CHL1: variants seen among roughly 807,000 people sequenced by gnomAD.
CHL1 encodes the protein cell adhesion molecule L1 like, also known as neural cell adhesion molecule L1-like protein.
A neutral mutation model predicts 141.9 loss-of-function variants in CHL1; 96 were observed. That is an observed-to-expected ratio of 0.68 (90% CI 0.57 to 0.80). CHL1 has a LOEUF of 0.80. Ranked by LOEUF, CHL1 falls within the 30% of genes least tolerant of loss-of-function variation. CHL1 has a pLI of 0.00. For synonymous variants in CHL1, 613 were observed against 502.2 expected (o/e 1.22, Z -2.95); for missense variants, 1,820 against 1,457.2 (o/e 1.25, Z -4.05).
intron 26 of CHL1, 58 bp downstream of exon 26, chr3:399,206 T>G: frequency 7.0e-7 from 1 of 1,438,806 alleles, no homozygotes; most frequent in Admixed American, 1.7e-5. Context: ...CTGGGAAGCA[T>G]TCTTCAGAGA....
At chr3:378,507 C>T (rs1433787573) in intron 16 of CHL1, among the ~76,000 whole-genome samples, 1 of 152,172 alleles carries the variant, frequency 6.6e-6, no homozygotes, top group Non-Finnish European at 1.5e-5. Flanking sequence ...AATGCAATTA[C>T]TCCTGAAATC....
At chr3:383,909 T>C (rs748242740) in intron 19 of CHL1, 23 bp downstream of exon 19, 1 of 1,518,354 alleles carries the variant, frequency 6.6e-7, no homozygotes, top group South Asian at 1.2e-5. Flanking sequence ...TAATACGTTA[T>C]GTATTTCTTT....
chr3:276,713 T>A (rs187861823), intron 2 of CHL1, among the ~76,000 whole-genome samples: 1 of 151,094 alleles, frequency 6.6e-6, no homozygotes, highest in Non-Finnish European at 1.5e-5. Context: ...CAGGGTGAAA[T>A]CCCTTCTCTA....
intron 26 of CHL1, among the ~76,000 whole-genome samples, chr3:399,870 A>T (rs2387188): frequency 0.032 from 4,848 of 152,206 alleles, 129 homozygotes; most frequent in African/African-American, 0.075. Context: ...TCCACTGGTC[A>T]ATTTTGTTGG....
intron 1 of CHL1, among the ~76,000 whole-genome samples, chr3:225,826 T>A (rs536324783): frequency 2.6e-5 from 4 of 151,926 alleles, no homozygotes; most frequent in South Asian, 4.2e-4. Context: ...TGGCTAACTC[T>A]GTGAAAACCC....
intron 10 of CHL1, among the ~76,000 whole-genome samples, chr3:351,036 T>C (rs1395528700): frequency 2.6e-5 from 4 of 152,232 alleles, no homozygotes; most frequent in African/African-American, 7.2e-5. Flanking sequence ...ACATATCTAA[T>C]TGTTAGATTC....
At position 406,726 on chromosome 3, in the gene CHL1, C is replaced by T. The variant is rs1256125634; in HGVS notation, c.*1015C>T. ...AATATATTAGTAAGATACTGTTTTT[C>T]GTCATTCCAGAGCTACAACTAATAA... On this transcript the variant is annotated 3_prime_UTR_variant, in exon 28 of 28. Coordinates refer to ENST00000256509, the MANE Select transcript of CHL1 (RefSeq NM_006614.4). The T allele has an allele frequency of 1.3e-5, 2 of 151,978 alleles. No homozygotes were observed. Among genetic ancestry groups the T allele is most frequent in the African/African-American group, 4.8e-5 (2 of 41,404 alleles). 9.4% of individuals were successfully genotyped at this position (151,978 alleles called of 1,614,324 possible).
At chr3:275,304 A>T (rs550768488) in intron 2 of CHL1, among the ~76,000 whole-genome samples, 2 of 152,212 alleles carry the variant, frequency 1.3e-5, no homozygotes, top group East Asian at 3.8e-4. Flanking sequence ...TTCAAACTTC[A>T]TATTCACTGG....
intron 5 of CHL1, among the ~76,000 whole-genome samples, chr3:330,540 T>C (rs1028339002): frequency 6.6e-6 from 1 of 152,054 alleles, no homozygotes; most frequent in African/African-American, 2.4e-5. Context: ...ATCTTTGTAG[T>C]GAAAGTATCC....
In CHL1 at chr3:406,645, T is replaced by C. The variant is rs1302172403; in HGVS notation, c.*934T>C. 1 of 152,154 alleles carries C rather than the reference T, an allele frequency of 6.6e-6. No individual in the cohort carries two copies. The highest frequency in any genetic ancestry group is 1.5e-5 in the Non-Finnish European group (1 of 68,020). 9.4% of individuals were successfully genotyped at this position (152,154 alleles called of 1,614,324 possible). Reference sequence around the variant, plus strand: ...ATATTTACACAATTTAAAATATAGATGTGTTTTATTTTGAAGTGAGAAAAT... The same window carrying C: ...ATATTTACACAATTTAAAATATAGACGTGTTTTATTTTGAAGTGAGAAAAT... On this transcript the variant is annotated 3_prime_UTR_variant, in exon 28 of 28. Coordinates refer to ENST00000256509, the MANE Select transcript of CHL1 (RefSeq NM_006614.4).
chr3:310,100 G>T (rs370694018), intron 2 of CHL1, among the ~76,000 whole-genome samples: 8 of 152,198 alleles, frequency 5.3e-5, no homozygotes, highest in African/African-American at 1.9e-4. Flanking sequence ...AGAGGGGATG[G>T]TATTTAATAA....
chr3:315,131 A>G (rs1236393707), intron 2 of CHL1, among the ~76,000 whole-genome samples: 13 of 152,170 alleles, frequency 8.5e-5, no homozygotes, highest in Non-Finnish European at 5.9e-5. Context: ...TATCAACACA[A>G]TGATCATCAC....
At chr3:339,158 C>G (rs554890180) in intron 5 of CHL1, among the ~76,000 whole-genome samples, 35 of 152,306 alleles carry the variant, frequency 2.3e-4, no homozygotes, top group Non-Finnish European at 3.4e-4. Context: ...CCAGTGTTTA[C>G]TGGGCTTAAG....
intron 5 of CHL1, 36 bp downstream of exon 5, chr3:328,390 T>G (rs754181198): frequency 2.6e-6 from 4 of 1,537,440 alleles, no homozygotes; most frequent in Non-Finnish European, 3.5e-6. Flanking sequence ...TTTACAAGTG[T>G]TTTAGTGAAG....
intron 26 of CHL1, among the ~76,000 whole-genome samples, chr3:401,421 A>AC (rs1194677407): frequency 1.3e-5 from 2 of 152,034 alleles, no homozygotes; most frequent in East Asian, 1.9e-4. Flanking sequence ...GACAAGTAGA[A>AC]CCCCCCAAAA....
chr3:357,772 T>C (rs1439910648), intron 11 of CHL1, among the ~76,000 whole-genome samples: 1 of 152,244 alleles, frequency 6.6e-6, no homozygotes, highest in African/African-American at 2.4e-5. Context: ...TTTAATTACT[T>C]AAATAAAGTA....
intron 1 of CHL1, among the ~76,000 whole-genome samples, chr3:219,146 C>CA (rs35572288): frequency 4.8e-5 from 7 of 145,448 alleles, no homozygotes; most frequent in African/African-American, 1.8e-4. Flanking sequence ...GAGACTCTGT[C>CA]AAAAAAAAAA....
chr3:366,563 C>G (rs1323456501), intron 15 of CHL1, among the ~76,000 whole-genome samples: 2 of 151,670 alleles, frequency 1.3e-5, no homozygotes, highest in Non-Finnish European at 2.9e-5. Flanking sequence ...ACTCTGCTAT[C>G]ATATGTTTAT....
At chr3:258,825 T>A (rs1346602738) in intron 2 of CHL1, among the ~76,000 whole-genome samples, 1 of 151,992 alleles carries the variant, frequency 6.6e-6, no homozygotes, top group Non-Finnish European at 1.5e-5. Context: ...CTAAGGTTAC[T>A]AACTTTTTGG....
Sources: allele counts gnomAD v4.1 joint callset (sites outside exome capture counted in the v4.1 genomes callset), GRCh38; gene constraint gnomAD v4.1.1; transcripts MANE v1.5; gene names NCBI Gene and HGNC (gene_info 2026-07-23, HGNC 2026-07-21).